ABCD3: variants seen among roughly 807,000 people sequenced by gnomAD.
ABCD3 encodes the protein ATP binding cassette subfamily D member 3, also known as ATP-binding cassette sub-family D member 3.
In ABCD3, 41 loss-of-function variants were observed where a neutral mutation model predicts 105.5. The observed-to-expected ratio is 0.39, with a 90% CI of 0.30 to 0.50. The LOEUF (loss-of-function observed/expected upper bound fraction) is 0.50, where lower values mean the gene tolerates loss of function less well. Ranked by LOEUF, ABCD3 falls within the 20% of genes least tolerant of loss-of-function variation. ABCD3 has a pLI of 0.84. For missense variants in ABCD3, 622 were observed against 806.3 expected, an observed-to-expected ratio of 0.77 and a Z score of 2.77; for synonymous variants, 258 against 269.0, an observed-to-expected ratio of 0.96 and a Z score of 0.40.
At chr1:94,412,841 G>C in the ABCD3 span, among the ~76,000 whole-genome samples, 1 of 152,174 alleles carries the variant, frequency 6.6e-6, no homozygotes. Context: ...TCTATGATAA[G>C]AGTAATCCTT....
At chr1:94,502,991 T>G (rs1364040103) in intron 20 of ABCD3, among the ~76,000 whole-genome samples, 1 of 152,200 alleles carries the variant, frequency 6.6e-6, no homozygotes, top group Admixed American at 6.5e-5. Context: ...CCAGGACAGC[T>G]TTGAATGCAA....
chr1:94,445,519 C>T (rs997683770), intron 1 of ABCD3, among the ~76,000 whole-genome samples: 11 of 152,088 alleles, frequency 7.2e-5, no homozygotes, highest in South Asian at 6.2e-4. Flanking sequence ...GAGAGTATAA[C>T]GAAGTAACAG....
intron 4 of ABCD3, among the ~76,000 whole-genome samples, chr1:94,473,493 CT>C (rs982709272): frequency 6.6e-6 from 1 of 151,966 alleles, no homozygotes; most frequent in Non-Finnish European, 1.5e-5. Flanking sequence ...CCACTTAAGC[CT>C]TTTTTTAAAG....
At chr1:94,492,450 T>TGAA (rs1389053197) in intron 16 of ABCD3, among the ~76,000 whole-genome samples, 11 of 152,198 alleles carry the variant, frequency 7.2e-5, no homozygotes, top group Non-Finnish European at 1.5e-4. Flanking sequence ...ACTTTGAACT[T>TGAA]ATTCAACAAT....
At chr1:94,455,574 C>T (rs1003581800) in intron 1 of ABCD3, among the ~76,000 whole-genome samples, 1 of 152,158 alleles carries the variant, frequency 6.6e-6, no homozygotes, top group African/African-American at 2.4e-5. Context: ...ATCCTCCCAC[C>T]TTAACCTCCC....
chr1:94,400,945 G>C, the ABCD3 span, among the ~76,000 whole-genome samples: 2 of 152,092 alleles, frequency 1.3e-5, no homozygotes, highest in Non-Finnish European at 2.9e-5. Flanking sequence ...TGGATTCATG[G>C]ATTAATGTGT....
chr1:94,449,571 T>TA (rs1311541264), intron 1 of ABCD3, among the ~76,000 whole-genome samples: 1 of 152,242 alleles, frequency 6.6e-6, no homozygotes, highest in Non-Finnish European at 1.5e-5. Flanking sequence ...AATCTGCTCC[T>TA]ATAATTGAGG....
intron 1 of ABCD3, among the ~76,000 whole-genome samples, chr1:94,453,724 A>G (rs1647386613): frequency 6.8e-6 from 1 of 147,512 alleles, no homozygotes; most frequent in Admixed American, 6.7e-5. Context: ...TTCAAATTTT[A>G]TCTATTTTTG....
chr1:94,407,885 G>A, the ABCD3 span, among the ~76,000 whole-genome samples: 1 of 152,170 alleles, frequency 6.6e-6, no homozygotes, highest in African/African-American at 2.4e-5. Context: ...GAAAACTACA[G>A]GGAATTCGAA....
At chr1:94,401,734 ATTTATC>A in the ABCD3 span, among the ~76,000 whole-genome samples, 1 of 152,190 alleles carries the variant, frequency 6.6e-6, no homozygotes, top group Non-Finnish European at 1.5e-5. Context: ...ATCAATCTGA[ATTTATC>A]TTTAAGATCT....
chr1:94,484,273 C>T (rs1036345152), intron 10 of ABCD3, among the ~76,000 whole-genome samples: 5 of 152,212 alleles, frequency 3.3e-5, no homozygotes, highest in Admixed American at 3.3e-4. Flanking sequence ...TTTGACCCAA[C>T]CATCCCATTA....
chr1:94,428,217 A>C (rs1485999815), intron 1 of ABCD3, among the ~76,000 whole-genome samples: 1 of 152,190 alleles, frequency 6.6e-6, no homozygotes, highest in Non-Finnish European at 1.5e-5. Flanking sequence ...ATTGAAAATA[A>C]AGCTCATCAA....
the ABCD3 span, among the ~76,000 whole-genome samples, chr1:94,393,467 CG>C: frequency 6.6e-6 from 1 of 151,774 alleles, no homozygotes; most frequent in Admixed American, 6.6e-5. Context: ...GGTAAAACCC[CG>C]TCTCGACTAA....
intron 1 of ABCD3, among the ~76,000 whole-genome samples, chr1:94,428,427 T>G (rs534207548): frequency 9.8e-5 from 15 of 152,332 alleles, no homozygotes; most frequent in African/African-American, 3.6e-4. Context: ...TAAATAATAA[T>G]TTAGTCAACA....
intron 21 of ABCD3, among the ~76,000 whole-genome samples, chr1:94,511,536 C>T (rs901510307): frequency 6.6e-6 from 1 of 152,060 alleles, no homozygotes. Context: ...TGAACGTTGG[C>T]CTGCCTTGCT....
Position 94,480,455 on chromosome 1 carries a change from TAA to T in ABCD3, c.685-8_685-7del. On this transcript the variant is annotated splice_region_variant and splice_polypyrimidine_tract_variant and intron_variant, in intron 8 of 22. Coordinates refer to ENST00000370214, the MANE Select transcript of ABCD3 (RefSeq NM_002858.4). ...AACTTTGTGTATCTTTCTCTCCCAA[TAA>T]TAATAGGGCCCAGCGAGCATGATGG... 6.2e-7 allele frequency: 1 copy of T among 1,613,696 alleles called. No homozygotes were observed. The highest frequency in any genetic ancestry group is 8.5e-7 in the Non-Finnish European group (1 of 1,179,714).
rs1659126648 is a variant in ABCD3, at chr1:94,418,739, G to A, written c.110+151G>A. ...GACTGCCGTGGGACTTCAATGTCAG[G>A]GTGTCCGCGAGTCCCCGCCACGACG... is the stretch of plus-strand genomic sequence containing the variant. On this transcript the variant is annotated intron_variant, in intron 1 of 22. Transcript: ENST00000370214. 18 of 759,476 alleles carry A rather than the reference G, an allele frequency of 2.4e-5. No homozygotes were observed. The South Asian group carries it at 2.4e-4, about 10-fold the overall frequency. 47.0% of individuals were successfully genotyped at this position (759,476 alleles called of 1,614,324 possible).
chr1:94,415,927 G>A (rs1158545055), upstream of ABCD3, among the ~76,000 whole-genome samples: 1 of 152,066 alleles, frequency 6.6e-6, no homozygotes, highest in Non-Finnish European at 1.5e-5. Flanking sequence ...TAAACTTAAT[G>A]GGTTCCAGAT....
intron 1 of ABCD3, among the ~76,000 whole-genome samples, chr1:94,422,984 C>T (rs928065718): frequency 2.0e-5 from 3 of 152,232 alleles, no homozygotes; most frequent in Non-Finnish European, 4.4e-5. Context: ...CTCCCTCAAT[C>T]TGGTCTTACT....
Sources: allele counts gnomAD v4.1 joint callset (sites outside exome capture counted in the v4.1 genomes callset), GRCh38; gene constraint gnomAD v4.1.1; transcripts MANE v1.5; gene names NCBI Gene and HGNC (gene_info 2026-07-23, HGNC 2026-07-21).